The following TRDN variants were observed in gnomAD, a reference collection of about 807,000 sequenced individuals.
TRDN encodes triadin, also known as triadin in skeletal muscle.
In TRDN, 161 loss-of-function variants were observed where a neutral mutation model predicts 149.7. The observed-to-expected ratio is 1.08, with a 90% CI of 0.95 to 1.23. The LOEUF (loss-of-function observed/expected upper bound fraction) is 1.23. Ranked by LOEUF, TRDN falls within the 50% of genes most tolerant of loss-of-function variation. The pLI is 0.00. For missense variants in TRDN, 896 were observed against 823.5 expected (o/e 1.09, Z -1.08); for synonymous variants, 294 against 250.5 (o/e 1.17, Z -1.64).
intron 23 of TRDN, among the ~76,000 whole-genome samples, chr6:123,321,464 G>C (rs749735601): frequency 7.9e-5 from 12 of 151,400 alleles, no homozygotes; most frequent in Non-Finnish European, 1.6e-4. Context: ...TTTTATTCAG[G>C]ATCTCCTGAA....
At chr6:123,348,472 T>G (rs1404222417) in intron 21 of TRDN, among the ~76,000 whole-genome samples, 1 of 152,108 alleles carries the variant, frequency 6.6e-6, no homozygotes, top group East Asian at 1.9e-4. Flanking sequence ...GAAAAGTAAT[T>G]GATGATAAGG....
intron 1 of TRDN, among the ~76,000 whole-genome samples, chr6:123,595,100 C>A (rs577559860): frequency 5.0e-4 from 76 of 152,100 alleles, no homozygotes; most frequent in African/African-American, 1.8e-3. Flanking sequence ...AGCAAAATAG[C>A]AACATTTCCT....
chr6:123,528,235 G>T (rs1780044266), intron 5 of TRDN, among the ~76,000 whole-genome samples: 1 of 149,874 alleles, frequency 6.7e-6, no homozygotes, highest in Non-Finnish European at 1.5e-5. Flanking sequence ...AATTGTTTTA[G>T]AAATATATAT....
In TRDN at chr6:123,361,476, C is replaced by T. The variant is rs1972286; in HGVS notation, c.1321+4659G>A. ...CCATGGCATGTGTATACCCATGTAA[C>T]AAAACACGTTTTGCACATGTACCCC... On this transcript the variant is annotated intron_variant, in intron 20 of 40. Transcript: ENST00000334268. Among the ~76,000 whole-genome samples the T allele has an allele frequency of 5.9e-3, 888 of 151,180 alleles. 9 individuals carry two copies. The highest frequency in any genetic ancestry group is 9.2e-3 in the Admixed American group (139 of 15,144).
intron 23 of TRDN, among the ~76,000 whole-genome samples, chr6:123,325,423 G>A (rs904242684): frequency 5.9e-5 from 9 of 152,058 alleles, no homozygotes; most frequent in Non-Finnish European, 1.2e-4. Flanking sequence ...TCTAGACCCA[G>A]TATTAGACTA....
chr6:123,472,295 C>T (rs565070754), intron 9 of TRDN, among the ~76,000 whole-genome samples: 3 of 152,316 alleles, frequency 2.0e-5, no homozygotes, highest in South Asian at 2.1e-4. Context: ...GGGAGTTCCC[C>T]TTCCGAGTCA....
chr6:123,499,719 A>AAAAAAAAATAT, intron 8 of TRDN, among the ~76,000 whole-genome samples: 9 of 47,680 alleles, frequency 1.9e-4, no homozygotes, highest in Non-Finnish European at 3.6e-4. Context: ...AAAAAAAAAA[A>AAAAAAAAATAT]ATATATATAT....
intron 19 of TRDN, among the ~76,000 whole-genome samples, chr6:123,372,552 TGG>T (rs1248996249): frequency 6.6e-6 from 1 of 152,072 alleles, no homozygotes; most frequent in Non-Finnish European, 1.5e-5. Flanking sequence ...ACCATGCATA[TGG>T]AATACATGAT....
intron 35 of TRDN, 146 bp downstream of exon 35, chr6:123,259,478 T>A (rs956060810): frequency 1.5e-5 from 9 of 583,344 alleles, no homozygotes; most frequent in Non-Finnish European, 2.8e-5. Context: ...TGAACTGTAA[T>A]GTACTATAAT....
chr6:123,313,129 T>G (rs1778895593), intron 24 of TRDN, among the ~76,000 whole-genome samples: 1 of 152,182 alleles, frequency 6.6e-6, no homozygotes, highest in East Asian at 1.9e-4. Flanking sequence ...TTTTCAGCTC[T>G]ATCAGGTCAC....
At chr6:123,259,940 C>T (rs1324874635) in intron 34 of TRDN, among the ~76,000 whole-genome samples, 1 of 151,552 alleles carries the variant, frequency 6.6e-6, no homozygotes, top group African/African-American at 2.4e-5. Context: ...TTTTCCTCCT[C>T]CTCTTCCTCC....
At chr6:123,479,217 T>A (rs917138853) in intron 9 of TRDN, among the ~76,000 whole-genome samples, 1 of 152,138 alleles carries the variant, frequency 6.6e-6, no homozygotes, top group South Asian at 2.1e-4. Context: ...ATATTTGTGG[T>A]TTTTTTCCCC....
chr6:123,455,201 T>C (rs1776037608), intron 10 of TRDN, among the ~76,000 whole-genome samples: 1 of 152,220 alleles, frequency 6.6e-6, no homozygotes. Context: ...ATTCAATACA[T>C]TTCAAATTGC....
chr6:123,222,063 T>C (rs755945358), intron 39 of TRDN, among the ~76,000 whole-genome samples: 1 of 151,834 alleles, frequency 6.6e-6, no homozygotes, highest in Non-Finnish European at 1.5e-5. Context: ...CGCAAATTTA[T>C]GTAGTGTTGC....
intron 36 of TRDN, among the ~76,000 whole-genome samples, 164 bp downstream of exon 36, chr6:123,255,703 T>C (rs192038376): frequency 5.9e-5 from 9 of 152,250 alleles, no homozygotes; most frequent in African/African-American, 2.2e-4. Context: ...TACACAATCA[T>C]TTTTATTGTG....
At position 123,635,161 on chromosome 6, in the gene TRDN, A is replaced by C. The variant is rs367711884; in HGVS notation, c.22+1593T>G. The stretch of plus-strand genomic sequence containing the variant: ...GTAGCTATCTTAATAACTTGTGCAG[A>C]GCTAAACAAGAAGTTTTTATACATA... On this transcript the variant is annotated intron_variant, in intron 1 of 40. Coordinates refer to ENST00000334268, the MANE Select transcript of TRDN (RefSeq NM_006073.4). Among the ~76,000 whole-genome samples the C allele has an allele frequency of 3.0e-4, 45 of 152,164 alleles. No individual in the cohort carries two copies. In the East Asian group the frequency reaches 6.0e-3, roughly 20 times the overall value.
intron 5 of TRDN, among the ~76,000 whole-genome samples, chr6:123,524,274 G>A (rs1779829373): frequency 6.6e-6 from 1 of 152,128 alleles, no homozygotes. Context: ...GAATACATTA[G>A]ATGAAAGAAG....
intron 35 of TRDN, among the ~76,000 whole-genome samples, chr6:123,256,404 A>T (rs1479147907): frequency 6.6e-6 from 1 of 152,082 alleles, no homozygotes; most frequent in African/African-American, 2.4e-5. Flanking sequence ...ATCCTTGAGG[A>T]ATCGCCACAC....
chr6:123,347,513 T>C (rs1248329886), intron 21 of TRDN, among the ~76,000 whole-genome samples: 1 of 152,056 alleles, frequency 6.6e-6, no homozygotes, highest in Admixed American at 6.6e-5. Flanking sequence ...ATTCCTGAGA[T>C]ATTTTTGAAA....
Sources: allele counts gnomAD v4.1 joint callset (sites outside exome capture counted in the v4.1 genomes callset), GRCh38; gene constraint gnomAD v4.1.1; transcripts MANE v1.5; gene names NCBI Gene and HGNC (gene_info 2026-07-23, HGNC 2026-07-21).